The following PTPRD variants were observed in gnomAD, a reference collection of about 807,000 sequenced individuals.
The protein encoded by PTPRD is protein tyrosine phosphatase receptor type D, also known as receptor-type tyrosine-protein phosphatase delta.
A neutral mutation model predicts 214.5 loss-of-function variants in PTPRD; 34 were observed. The ratio of observed to expected loss-of-function variants is 0.16; its 90% CI spans 0.12 to 0.21. The LOEUF (loss-of-function observed/expected upper bound fraction) is 0.21, where lower values mean the gene tolerates loss of function less well. Among genes scored for constraint, PTPRD ranks in the 10% least tolerant of loss-of-function variants. The probability of loss-of-function intolerance (pLI) is 1.00; values close to 1 mark genes in which losing one functional copy is unlikely to be tolerated. For missense variants in PTPRD, 2,545 were observed against 2,398.7 expected, an observed-to-expected ratio of 1.06 and a Z score of -1.27; for synonymous variants, 1,128 against 845.7, an observed-to-expected ratio of 1.33 and a Z score of -5.79.
chr9:8,454,788 T>C (rs527417070), intron 33 of PTPRD, among the ~76,000 whole-genome samples: 62 of 149,978 alleles, frequency 4.1e-4, no homozygotes, highest in African/African-American at 1.5e-3. Flanking sequence ...ACAGAGGACA[T>C]GAAGTTACAT....
At position 9,912,719 on chromosome 9, in the gene PTPRD, G is replaced by C. The variant is rs540835236; in HGVS notation, c.-368+25788C>G. Among the ~76,000 whole-genome samples, 155 of 152,306 alleles carry C rather than the reference G, an allele frequency of 1.0e-3. 2 individuals are homozygous for C. Among genetic ancestry groups the C allele is most frequent in the Non-Finnish European group, 1.2e-3 (81 of 68,018 alleles). On this transcript the variant is annotated intron_variant, in intron 5 of 45. Coordinates refer to ENST00000381196, the MANE Select transcript of PTPRD (RefSeq NM_002839.4). ...ACAATTACAACTGCACTAATAAAAT[G>C]ATGTCAGAAGCCAATAACCCAAGTT... is the stretch of plus-strand genomic sequence containing the variant.
intron 11 of PTPRD, among the ~76,000 whole-genome samples, chr9:8,929,120 C>T (rs1382691035): frequency 6.6e-6 from 1 of 152,134 alleles, no homozygotes; most frequent in African/African-American, 2.4e-5. Context: ...AATATACAAT[C>T]ATGTCATCTG....
intron 7 of PTPRD, among the ~76,000 whole-genome samples, chr9:9,593,537 T>C (rs1270337794): frequency 6.6e-6 from 1 of 151,926 alleles, no homozygotes; most frequent in African/African-American, 2.4e-5. Context: ...TGATAAAAAA[T>C]GTTAATATGG....
chr9:9,531,031 A>C (rs1436951639), intron 8 of PTPRD, among the ~76,000 whole-genome samples: 1 of 152,170 alleles, frequency 6.6e-6, no homozygotes, highest in Non-Finnish European at 1.5e-5. Context: ...AAATAACTAG[A>C]ATTTGAACTG....
intron 10 of PTPRD, among the ~76,000 whole-genome samples, chr9:9,147,060 G>C (rs1232203464): frequency 6.6e-6 from 1 of 152,008 alleles, no homozygotes; most frequent in African/African-American, 2.4e-5. Context: ...CACCAAATTG[G>C]AATAATAAGT....
At chr9:9,986,267 A>C (rs1486446692) in intron 4 of PTPRD, among the ~76,000 whole-genome samples, 1 of 152,124 alleles carries the variant, frequency 6.6e-6, no homozygotes, top group African/African-American at 2.4e-5. Context: ...AAATAACTGG[A>C]CAATAGTAAA....
intron 10 of PTPRD, among the ~76,000 whole-genome samples, chr9:9,171,996 T>C (rs1592867636): frequency 6.6e-6 from 1 of 152,236 alleles, no homozygotes; most frequent in Non-Finnish European, 1.5e-5. Context: ...AAGAAGCATG[T>C]CTTTAGGGTA....
intron 10 of PTPRD, among the ~76,000 whole-genome samples, chr9:9,068,611 A>G (rs959016032): frequency 6.6e-6 from 1 of 151,694 alleles, no homozygotes; most frequent in Non-Finnish European, 1.5e-5. Context: ...ATGTTTTACA[A>G]AAAATTTTCT....
intron 11 of PTPRD, among the ~76,000 whole-genome samples, chr9:8,969,549 T>C (rs891806949): frequency 9.2e-5 from 14 of 152,046 alleles, no homozygotes; most frequent in African/African-American, 3.4e-4. Context: ...GCAATATGGA[T>C]GAAATTTCAA....
At chr9:9,566,451 G>A (rs987485947) in intron 8 of PTPRD, among the ~76,000 whole-genome samples, 2 of 151,872 alleles carry the variant, frequency 1.3e-5, no homozygotes, top group African/African-American at 2.4e-5. Flanking sequence ...CGTGCTTTTC[G>A]ATTAAACTTG....
intron 36 of PTPRD, among the ~76,000 whole-genome samples, chr9:8,392,754 T>C (rs1244688377): frequency 3.3e-5 from 5 of 152,140 alleles, no homozygotes; most frequent in Admixed American, 3.3e-4. Flanking sequence ...AAGTTCTCTC[T>C]CACAGATCCT....
intron 35 of PTPRD, 61 bp from the exon 36 acceptor site, chr9:8,404,721 C>T (rs2092793168): frequency 6.5e-7 from 1 of 1,529,210 alleles, no homozygotes. Context: ...AGATTATAGG[C>T]ATTTATCACA....
chr9:8,328,458 T>C (rs1404865620), intron 44 of PTPRD, among the ~76,000 whole-genome samples: 1 of 152,168 alleles, frequency 6.6e-6, no homozygotes, highest in Non-Finnish European at 1.5e-5. Context: ...CATTTTTTCC[T>C]TCGTTTCAAG....
intron 10 of PTPRD, among the ~76,000 whole-genome samples, chr9:9,150,765 A>C (rs115868748): frequency 0.034 from 5,142 of 152,098 alleles, 308 homozygotes; most frequent in African/African-American, 0.12. Context: ...TGAGCCAACA[A>C]CCGGCCTGAA....
chr9:9,887,029 T>G (rs1224168115), intron 5 of PTPRD, among the ~76,000 whole-genome samples: 1 of 152,124 alleles, frequency 6.6e-6, no homozygotes, highest in Non-Finnish European at 1.5e-5. Flanking sequence ...ACTTGTTTTT[T>G]TCCGCCACTA....
At chr9:9,293,090 A>C (rs1267801556) in intron 9 of PTPRD, among the ~76,000 whole-genome samples, 1 of 151,524 alleles carries the variant, frequency 6.6e-6, no homozygotes, top group African/African-American at 2.4e-5. Flanking sequence ...GTTACTGTGC[A>C]CATCCCATAT....
At chr9:8,764,927 G>T (rs2094617834) in intron 11 of PTPRD, among the ~76,000 whole-genome samples, 2 of 151,902 alleles carry the variant, frequency 1.3e-5, no homozygotes, top group South Asian at 4.2e-4. Flanking sequence ...TGGGCATGAG[G>T]ATACATTTAA....
intron 10 of PTPRD, among the ~76,000 whole-genome samples, chr9:9,156,368 T>C (rs1354396951): frequency 9.8e-6 from 1 of 102,124 alleles, no homozygotes; most frequent in Admixed American, 8.4e-5. Context: ...TTAATGTTTT[T>C]ATGGTACATT....
At chr9:9,894,937 A>C (rs1292998256) in intron 5 of PTPRD, among the ~76,000 whole-genome samples, 2 of 152,092 alleles carry the variant, frequency 1.3e-5, no homozygotes, top group Non-Finnish European at 2.9e-5. Flanking sequence ...CTCTAAGAAC[A>C]AAAGAGCCAA....
Sources: allele counts gnomAD v4.1 joint callset (sites outside exome capture counted in the v4.1 genomes callset), GRCh38; gene constraint gnomAD v4.1.1; transcripts MANE v1.5; gene names NCBI Gene and HGNC (gene_info 2026-07-23, HGNC 2026-07-21).